INSL6: variants seen among roughly 807,000 people sequenced by gnomAD.
The protein encoded by INSL6 is insulin like 6, also known as insulin-like peptide INSL6.
In INSL6, 16 loss-of-function variants were observed where a neutral mutation model predicts 9.4. The observed-to-expected ratio is 1.70, with a 90% CI of 1.15 to 2.59. The LOEUF is 2.59. INSL6 is among the 30% of genes most tolerant of loss of function. The probability of loss-of-function intolerance (pLI) is 0.00; values close to 1 mark genes in which losing one functional copy is unlikely to be tolerated. For synonymous variants in INSL6, 154 were observed against 96.9 expected (o/e 1.59, Z -3.46); for missense variants, 391 against 257.3 (o/e 1.52, Z -3.56).
the INSL6 span, among the ~76,000 whole-genome samples, chr9:5,040,705 A>G: frequency 3.9e-5 from 6 of 152,378 alleles, no homozygotes; most frequent in Admixed American, 2.0e-4. Flanking sequence ...AAAAGCATGT[A>G]AAAAGATGCC....
rs1314315184 is a variant in INSL6, at chr9:5,135,682, C to CATTG, written c.377-2094_377-2091dup. 1.2e-4 allele frequency among the ~76,000 whole-genome samples: 18 copies of CATTG among 151,926 alleles called. No individual in the cohort carries two copies. The South Asian group carries it at 1.9e-3, about 16-fold the overall frequency. On this transcript the variant is annotated intron_variant, in intron 2 of 3. Coordinates refer to the INSL6 transcript ENST00000649639. ...ACAAGAGAAAGCAGGAAAGAGCTAACATTGACACCCTAACATCACAATTAA... is the reference window on the plus strand; with the variant it reads ...ACAAGAGAAAGCAGGAAAGAGCTAACATTGATTGACACCCTAACATCACAATTAA...
At chr9:5,068,971 T>C in the INSL6 span, 1 of 1,011,140 alleles carries the variant, frequency 9.9e-7, no homozygotes, top group Non-Finnish European at 1.5e-6. Context: ...ATAATCACTG[T>C]GATGTCCATT....
chr9:5,033,904 C>T, the INSL6 span, among the ~76,000 whole-genome samples: 37,169 of 151,978 alleles, frequency 0.24, 4,662 homozygotes, highest in Middle Eastern at 0.28. Context: ...TAACCTTAAA[C>T]GTAAATGGGC....
chr9:5,029,744 G>T, the INSL6 span: 2 of 1,564,270 alleles, frequency 1.3e-6, no homozygotes, highest in Admixed American at 3.7e-5. Flanking sequence ...ATATTCTGTT[G>T]TGTACCTTTA....
At chr9:5,067,563 C>G in the INSL6 span, among the ~76,000 whole-genome samples, 36 of 151,814 alleles carry the variant, frequency 2.4e-4, 3 homozygotes, top group South Asian at 4.8e-3. Context: ...ATCACTTTAC[C>G]TTTGTGTAAA....
the INSL6 span, among the ~76,000 whole-genome samples, chr9:5,105,013 C>G: frequency 6.6e-6 from 1 of 152,208 alleles, no homozygotes; most frequent in Non-Finnish European, 1.5e-5. Flanking sequence ...CAAGGATGCC[C>G]TCTGTCACCA....
At chr9:5,005,876 A>T in the INSL6 span, among the ~76,000 whole-genome samples, 1 of 152,168 alleles carries the variant, frequency 6.6e-6, no homozygotes, top group Non-Finnish European at 1.5e-5. Context: ...TACCAGTACC[A>T]TGCTGTTTTG....
the INSL6 span, chr9:5,114,201 A>G: frequency 4.2e-6 from 2 of 481,620 alleles, no homozygotes; most frequent in Non-Finnish European, 8.2e-6. Context: ...CACCTACCTG[A>G]GCCGGTCCAG....
the INSL6 span, among the ~76,000 whole-genome samples, chr9:5,046,298 C>G: frequency 6.6e-6 from 1 of 152,102 alleles, no homozygotes; most frequent in Admixed American, 6.5e-5. Flanking sequence ...AATTATTATT[C>G]TGGATCTTAA....
the INSL6 span, chr9:5,109,944 C>G: frequency 1.3e-5 from 2 of 152,148 alleles, no homozygotes; most frequent in African/African-American, 2.4e-5. Flanking sequence ...ACAATATGGC[C>G]GAGCAGATGC....
intron 1 of INSL6, among the ~76,000 whole-genome samples, chr9:5,175,905 T>C (rs1013556265): frequency 2.0e-5 from 3 of 152,198 alleles, no homozygotes; most frequent in Non-Finnish European, 4.4e-5. Context: ...AACATTACCA[T>C]GTAATAGTAA....
the INSL6 span, among the ~76,000 whole-genome samples, chr9:5,074,368 AGT>A: frequency 2.0e-5 from 3 of 152,134 alleles, no homozygotes; most frequent in Non-Finnish European, 4.4e-5. Flanking sequence ...ACGGCAACCC[AGT>A]GTCTAGCAAC....
At chr9:5,067,227 A>G in the INSL6 span, among the ~76,000 whole-genome samples, 1 of 152,178 alleles carries the variant, frequency 6.6e-6, no homozygotes, top group Admixed American at 6.5e-5. Context: ...ACAAACAAAT[A>G]GAAACATTAA....
chr9:5,086,010 A>C, the INSL6 span: 2 of 822,556 alleles, frequency 2.4e-6, no homozygotes, highest in African/African-American at 3.3e-5. Flanking sequence ...AAACTGTGAT[A>C]TACTATATAC....
chr9:5,077,619 AT>A, the INSL6 span: 1 of 1,306,884 alleles, frequency 7.7e-7, no homozygotes. Flanking sequence ...ATACTATTTT[AT>A]TTTATAAAAC....
At chr9:5,132,040 G>T (rs1824302584) in intron 3 of INSL6, 1 of 151,994 alleles carries the variant, frequency 6.6e-6, no homozygotes, top group African/African-American at 2.4e-5. Flanking sequence ...TTGTTGAATA[G>T]AAATTCTTGG....
At chr9:5,123,211 C>A, downstream of INSL6, 1 of 748,520 alleles carries the variant, frequency 1.3e-6, no homozygotes, top group Non-Finnish European at 2.3e-6. Context: ...TTGCTACATG[C>A]ATACATTGCA....
rs1316901192 is a variant in INSL6 at position 5,164,127 on chromosome 9, T to C, written c.428A>G (p.Glu143Gly). 2 of 1,612,396 alleles carry C rather than the reference T, an allele frequency of 1.2e-6. No homozygotes were observed. Among genetic ancestry groups the C allele is most frequent in the Admixed American group, 3.3e-5 (2 of 59,786 alleles). ...SSHNINVYIH[E>G]NAKFQKKRRN... ...ACGTTTCTTCTGAAATTTTGCATTCTCATGAATATATACATTGATATTATG... is the reference window on the plus strand; with the variant it reads ...ACGTTTCTTCTGAAATTTTGCATTCCCATGAATATATACATTGATATTATG... Residue 143 changes from glutamate (E) to glycine (G), a missense_variant, in exon 2 of 2, where the codon GAG becomes GGG. Glu to Gly is a moderately conservative substitution (Grantham distance 98, BLOSUM62 -2). Transcript: ENST00000381641.
chr9:5,120,721 A>G (rs1369796788), downstream of INSL6, among the ~76,000 whole-genome samples: 3 of 152,192 alleles, frequency 2.0e-5, no homozygotes, highest in Middle Eastern at 3.2e-3. Flanking sequence ...AACTGTAACA[A>G]TGGGTTAGGA....
Sources: gnomAD v4.1 joint callset for allele counts (sites outside exome capture counted in the v4.1 genomes callset) on GRCh38, gnomAD v4.1.1 for gene constraint, MANE v1.5 for transcripts, NCBI Gene and HGNC (gene_info 2026-07-23, HGNC 2026-07-21) for gene names.